UGGT1: variants seen among roughly 807,000 people sequenced by gnomAD.
The protein encoded by UGGT1 is UDP-glucose glycoprotein glucosyltransferase 1.
UGGT1 carries 107 observed loss-of-function variants against 203.9 expected under a neutral mutation model. The ratio of observed to expected loss-of-function variants is 0.52; its 90% CI spans 0.45 to 0.62. The LOEUF (loss-of-function observed/expected upper bound fraction) is 0.62, where lower values mean the gene tolerates loss of function less well. Ranked by LOEUF, UGGT1 falls within the 20% of genes least tolerant of loss-of-function variation. The probability of loss-of-function intolerance (pLI) is 0.00; values close to 1 mark genes in which losing one functional copy is unlikely to be tolerated. For synonymous variants in UGGT1, 628 were observed against 653.5 expected (o/e 0.96, Z 0.59); for missense variants, 1,673 against 1,867.2 (o/e 0.90, Z 1.92).
intron 18 of UGGT1, among the ~76,000 whole-genome samples, chr2:128,147,168 C>G (rs1050347961): frequency 1.3e-5 from 2 of 152,230 alleles, no homozygotes; most frequent in Admixed American, 1.3e-4. Flanking sequence ...CATGGTGGTA[C>G]TCTCTCATGT....
chr2:128,178,070 A>C lies in UGGT1; in HGVS notation c.3713+150A>C, dbSNP rs1200946871. The C allele has an allele frequency of 9.0e-6, 6 of 665,594 alleles. No individual in the cohort carries two copies. In the Admixed American group the frequency reaches 2.1e-4, roughly 23 times the overall value. 41.2% of individuals were successfully genotyped at this position (665,594 alleles called of 1,614,324 possible). On this transcript the variant is annotated intron_variant, in intron 33 of 40. Coordinates refer to ENST00000259253, the MANE Select transcript of UGGT1 (RefSeq NM_020120.4). ...CTCACACTTATATTTGGCATAGATG[A>C]GTATTTTCCACTCGATTGATCCAAA...
intron 31 of UGGT1, among the ~76,000 whole-genome samples, chr2:128,176,430 A>AT (rs1691386301): frequency 6.6e-6 from 1 of 151,362 alleles, no homozygotes; most frequent in African/African-American, 2.4e-5. Flanking sequence ...AAAAAAAAAA[A>AT]AGAGCGGAGG....
chr2:128,097,856 T>C (rs980099249), intron 2 of UGGT1, among the ~76,000 whole-genome samples: 3 of 152,140 alleles, frequency 2.0e-5, no homozygotes, highest in Non-Finnish European at 4.4e-5. Context: ...GAGAGGGTTA[T>C]GTTTATTTAT....
intron 2 of UGGT1, among the ~76,000 whole-genome samples, chr2:128,098,666 T>A (rs1344453322): frequency 1.3e-5 from 2 of 151,798 alleles, no homozygotes; most frequent in Non-Finnish European, 2.9e-5. Flanking sequence ...GGAGGATCAC[T>A]TGAGCCCAGG....
chr2:128,102,011 C>G (rs1687395604), intron 2 of UGGT1, among the ~76,000 whole-genome samples: 1 of 152,172 alleles, frequency 6.6e-6, no homozygotes, highest in Non-Finnish European at 1.5e-5. Flanking sequence ...ATAATGTACT[C>G]TCTCTGTACC....
chr2:128,153,256 C>G (rs1352624666), intron 19 of UGGT1, among the ~76,000 whole-genome samples: 1 of 152,180 alleles, frequency 6.6e-6, no homozygotes, highest in Non-Finnish European at 1.5e-5. Context: ...CATCCTCATT[C>G]TAGAGTCAGT....
chr2:128,099,117 T>G (rs183094617), intron 2 of UGGT1, among the ~76,000 whole-genome samples: 236 of 152,268 alleles, frequency 1.5e-3, no homozygotes, highest in Middle Eastern at 3.4e-3. Context: ...GTGGTCTGTC[T>G]TCTTCATCTT....
At chr2:128,102,432 C>T (rs900751471) in intron 2 of UGGT1, among the ~76,000 whole-genome samples, 3 of 152,088 alleles carry the variant, frequency 2.0e-5, no homozygotes, top group Non-Finnish European at 4.4e-5. Flanking sequence ...GCGTGAGCCA[C>T]GGCGCCTGGC....
intron 39 of UGGT1, 128 bp downstream of exon 39, chr2:128,186,927 A>G: frequency 1.4e-6 from 1 of 699,336 alleles, no homozygotes; most frequent in South Asian, 2.1e-5. Context: ...TTTCTCTGTA[A>G]TTGTGTAGTT....
chr2:128,163,050 G>A (rs946610859), intron 25 of UGGT1, among the ~76,000 whole-genome samples: 2 of 152,166 alleles, frequency 1.3e-5, no homozygotes, highest in African/African-American at 2.4e-5. Context: ...CCCCAAGGCT[G>A]CCCTGAAGCT....
At chr2:128,189,556 A>C (rs538291556) in intron 40 of UGGT1, among the ~76,000 whole-genome samples, 161 bp from the exon 41 acceptor site, 23 of 152,370 alleles carry the variant, frequency 1.5e-4, no homozygotes, top group African/African-American at 5.5e-4. Flanking sequence ...TTTTGCTTTC[A>C]AAATACAGTA....
intron 19 of UGGT1, among the ~76,000 whole-genome samples, chr2:128,155,198 A>G (rs1329897575): frequency 6.6e-6 from 1 of 152,250 alleles, no homozygotes; most frequent in African/African-American, 2.4e-5. Flanking sequence ...ATTGTCCTCC[A>G]GTTGACAAGT....
At chr2:128,148,176 C>G (rs1384439022) in intron 18 of UGGT1, among the ~76,000 whole-genome samples, 1 of 152,154 alleles carries the variant, frequency 6.6e-6, no homozygotes, top group East Asian at 1.9e-4. Flanking sequence ...ATTCTCCTGC[C>G]TCAGCCTCCC....
chr2:128,146,854 A>G (rs940362691), intron 18 of UGGT1, among the ~76,000 whole-genome samples: 1 of 152,234 alleles, frequency 6.6e-6, no homozygotes, highest in African/African-American at 2.4e-5. Context: ...TCAAATTTGC[A>G]GAGAACAGGA....
At chr2:128,136,055 G>C (rs921076442) in intron 15 of UGGT1, among the ~76,000 whole-genome samples, 1 of 152,126 alleles carries the variant, frequency 6.6e-6, no homozygotes, top group African/African-American at 2.4e-5. Context: ...ACGAGAAGAG[G>C]GCATGTGGTC....
rs11402174 is a variant in UGGT1 at position 128,194,266 on chromosome 2, CTT to C, written c.*4536_*4537del. On this transcript the variant is annotated 3_prime_UTR_variant, in exon 41 of 41. Coordinates refer to ENST00000259253, the MANE Select transcript of UGGT1 (RefSeq NM_020120.4). The stretch of plus-strand genomic sequence containing the variant: ...CGCCACCACACCCGGCTAATTTTTG[CTT>C]TTTTTTTTTTTGAGACAGAATCTCG... The C allele has an allele frequency of 4.9e-5, 7 of 143,652 alleles. No individual in the cohort carries two copies. The highest frequency in any genetic ancestry group is 9.1e-5 in the Non-Finnish European group (6 of 66,220). The allele number at this position is 143,652 out of a possible 1,614,324, so 8.9% of individuals were successfully genotyped here. A position where few individuals can be genotyped will look rare whatever the true frequency, so the allele number is the denominator to read the frequency against.
rs1305043818 is a variant in UGGT1, at chr2:128,191,837, C to CA, written c.*2096dup. 6.6e-6 allele frequency: 1 copy of CA among 152,340 alleles called. No homozygotes were observed. The highest frequency in any genetic ancestry group is 1.5e-5 in the Non-Finnish European group (1 of 68,144). The allele number at this position is 152,340 out of a possible 1,614,324, so 9.4% of individuals were successfully genotyped here. A position where few individuals can be genotyped will look rare whatever the true frequency, so the allele number is the denominator to read the frequency against. ...TGCCACTGCACTCCAGCCTGGGTGACAGAGCGAGACTCCATCTCAGAAAAC... is the reference window on the plus strand; with the variant it reads ...TGCCACTGCACTCCAGCCTGGGTGACAAGAGCGAGACTCCATCTCAGAAAAC... On this transcript the variant is annotated 3_prime_UTR_variant, in exon 41 of 41. Coordinates refer to ENST00000259253, the MANE Select transcript of UGGT1 (RefSeq NM_020120.4).
chr2:128,111,420 T>C (rs1351888885), intron 5 of UGGT1, among the ~76,000 whole-genome samples: 2 of 152,168 alleles, frequency 1.3e-5, no homozygotes, highest in African/African-American at 2.4e-5. Context: ...GTAGAGGAGA[T>C]AGACTTAGTA....
chr2:128,102,876 A>G (rs902770031), intron 2 of UGGT1, among the ~76,000 whole-genome samples: 5 of 152,186 alleles, frequency 3.3e-5, no homozygotes, highest in African/African-American at 1.2e-4. Context: ...CTGTCTTAGG[A>G]CTTGTTTTCT....
Sources: allele counts gnomAD v4.1 joint callset (sites outside exome capture counted in the v4.1 genomes callset), GRCh38; gene constraint gnomAD v4.1.1; transcripts MANE v1.5; gene names NCBI Gene and HGNC (gene_info 2026-07-23, HGNC 2026-07-21).